Variants in SHISA9 observed in about 807,000 individuals in gnomAD.
The protein encoded by SHISA9 is protein shisa-9.
Under a neutral mutation model 38.0 loss-of-function variants are expected in SHISA9, and 13 were observed. The observed-to-expected ratio is 0.34, with a 90% CI of 0.22 to 0.54. SHISA9 has a LOEUF of 0.54. SHISA9 is among the 20% of genes least tolerant of loss of function. The probability of loss-of-function intolerance (pLI) is 0.91; values close to 1 mark genes in which losing one functional copy is unlikely to be tolerated. For synonymous variants in SHISA9, 275 were observed against 242.0 expected (o/e 1.14, Z -1.27); for missense variants, 538 against 575.8 (o/e 0.93, Z 0.67).
intron 2 of SHISA9, among the ~76,000 whole-genome samples, chr16:13,088,761 G>A (rs9673802): frequency 0.065 from 9,888 of 152,270 alleles, 455 homozygotes; most frequent in Non-Finnish European, 0.095. Flanking sequence ...TGCAAACAGG[G>A]ACAATTTGAC....
At chr16:13,030,326 C>T (rs2072975783) in intron 2 of SHISA9, among the ~76,000 whole-genome samples, 1 of 152,146 alleles carries the variant, frequency 6.6e-6, no homozygotes, top group Non-Finnish European at 1.5e-5. Flanking sequence ...AGTCGATGCT[C>T]CTGGGAGCAG....
chr16:12,924,701 G>C (rs139312591), intron 2 of SHISA9, among the ~76,000 whole-genome samples: 1 of 152,158 alleles, frequency 6.6e-6, no homozygotes, highest in Non-Finnish European at 1.5e-5. Flanking sequence ...TTTAGATCAA[G>C]AAATTGGTTT....
the SHISA9 span, among the ~76,000 whole-genome samples, chr16:13,412,817 A>C: frequency 6.6e-6 from 1 of 152,128 alleles, no homozygotes. Context: ...CAAACACACC[A>C]CTGTACTCAG....
the SHISA9 span, chr16:13,458,836 G>T: frequency 5.6e-6 from 1 of 179,826 alleles, no homozygotes. Context: ...TAAATTCTCG[G>T]GTTTTTTTGT....
At chr16:13,032,424 C>T (rs934521733) in intron 2 of SHISA9, among the ~76,000 whole-genome samples, 5 of 152,084 alleles carry the variant, frequency 3.3e-5, no homozygotes, top group Admixed American at 2.0e-4. Context: ...AGGAACCAAC[C>T]CAAATGCCCA....
chr16:13,041,270 C>G (rs1025508020), intron 2 of SHISA9, among the ~76,000 whole-genome samples: 3 of 152,192 alleles, frequency 2.0e-5, no homozygotes, highest in Admixed American at 6.5e-5. Flanking sequence ...AGACTGCTTA[C>G]TTGAACAACC....
chr16:13,270,398 A>G, the SHISA9 span, among the ~76,000 whole-genome samples: 21,272 of 152,186 alleles, frequency 0.14, 1,789 homozygotes, highest in African/African-American at 0.24. Context: ...AAGGCAAAGC[A>G]GACTTGGAAA....
chr16:13,184,462 C>T (rs1481198136), intron 2 of SHISA9, among the ~76,000 whole-genome samples: 1 of 152,270 alleles, frequency 6.6e-6, no homozygotes, highest in African/African-American at 2.4e-5. Context: ...TTTTTAAAAA[C>T]TTTTTAAATT....
At chr16:13,063,628 CT>C (rs1354128636) in intron 2 of SHISA9, among the ~76,000 whole-genome samples, 2 of 152,120 alleles carry the variant, frequency 1.3e-5, no homozygotes, top group African/African-American at 4.8e-5. Flanking sequence ...CGAGATATTT[CT>C]ATTGATTGCG....
At chr16:13,412,729 C>T in the SHISA9 span, among the ~76,000 whole-genome samples, 1 of 151,548 alleles carries the variant, frequency 6.6e-6, no homozygotes, top group Non-Finnish European at 1.5e-5. Flanking sequence ...TGGTGGCACA[C>T]ACTGGTAGTT....
At chr16:13,177,112 T>A (rs1295068394) in intron 2 of SHISA9, among the ~76,000 whole-genome samples, 2 of 152,150 alleles carry the variant, frequency 1.3e-5, no homozygotes, top group African/African-American at 2.4e-5. Context: ...GGTGAAACTC[T>A]CAGAAGTGGT....
At chr16:13,513,237 G>A in the SHISA9 span, among the ~76,000 whole-genome samples, 4 of 152,302 alleles carry the variant, frequency 2.6e-5, no homozygotes, top group South Asian at 2.1e-4. Flanking sequence ...CATTTATGCA[G>A]CCAACAAACA....
the SHISA9 span, among the ~76,000 whole-genome samples, chr16:13,395,831 C>T: frequency 0.017 from 2,650 of 152,216 alleles, 29 homozygotes; most frequent in Middle Eastern, 0.051. Context: ...TTCTCATAAA[C>T]GCCATGTGAT....
chr16:13,182,702 A>C (rs1259662576), intron 2 of SHISA9, among the ~76,000 whole-genome samples: 1 of 152,190 alleles, frequency 6.6e-6, no homozygotes, highest in Non-Finnish European at 1.5e-5. Flanking sequence ...ATGGACACAG[A>C]CCTCCACCAC....
chr16:13,138,389 T>G (rs2050368883), intron 2 of SHISA9, among the ~76,000 whole-genome samples: 1 of 152,242 alleles, frequency 6.6e-6, no homozygotes, highest in African/African-American at 2.4e-5. Context: ...CTACACTGTT[T>G]CATCCTTATC....
intron 2 of SHISA9, among the ~76,000 whole-genome samples, chr16:13,150,761 C>T (rs1276534405): frequency 6.6e-6 from 1 of 152,208 alleles, no homozygotes; most frequent in Admixed American, 6.5e-5. Flanking sequence ...CAGGTAAAGC[C>T]ATGTGCATAT....
chr16:13,438,561 T>C, the SHISA9 span, among the ~76,000 whole-genome samples: 1 of 152,276 alleles, frequency 6.6e-6, no homozygotes, highest in Non-Finnish European at 1.5e-5. Flanking sequence ...GGAGAGAAAA[T>C]GTCCTTACAG....
At chr16:13,558,057 A>G in the SHISA9 span, among the ~76,000 whole-genome samples, 4 of 152,074 alleles carry the variant, frequency 2.6e-5, no homozygotes, top group Non-Finnish European at 5.9e-5. Flanking sequence ...ACCAAAAAAA[A>G]TTAAACTAAA....
the SHISA9 span, among the ~76,000 whole-genome samples, chr16:13,333,165 A>C: frequency 2.0e-5 from 3 of 151,952 alleles, no homozygotes; most frequent in Non-Finnish European, 4.4e-5. Flanking sequence ...TGCATGATGC[A>C]ATTGGAACAT....
Sources: gnomAD v4.1 joint callset for allele counts (sites outside exome capture counted in the v4.1 genomes callset) on GRCh38, gnomAD v4.1.1 for gene constraint, MANE v1.5 for transcripts, NCBI Gene and HGNC (gene_info 2026-07-23, HGNC 2026-07-21) for gene names.